The following MRC1 variants were observed in gnomAD, a reference collection of about 807,000 sequenced individuals.
MRC1 encodes the protein macrophage mannose receptor 1.
Under a neutral mutation model 102.9 loss-of-function variants are expected in MRC1, and 62 were observed. That is an observed-to-expected ratio of 0.60 (90% CI 0.49 to 0.74). MRC1 has a LOEUF of 0.74. Ranked by LOEUF, MRC1 falls within the 30% of genes least tolerant of loss-of-function variation. MRC1 has a pLI of 0.00. For missense variants in MRC1, 1,237 were observed against 862.8 expected, an observed-to-expected ratio of 1.43 and a Z score of -5.43; for synonymous variants, 457 against 298.4, an observed-to-expected ratio of 1.53 and a Z score of -5.48.
chr10:17,835,618 CA>C (rs1838651045), intron 4 of MRC1, among the ~76,000 whole-genome samples: 1 of 152,204 alleles, frequency 6.6e-6, no homozygotes, highest in African/African-American at 2.4e-5. Flanking sequence ...AGGAGGTTCA[CA>C]CAGAGCCTTC....
At chr10:17,859,093 T>A (rs1450287592) in intron 9 of MRC1, among the ~76,000 whole-genome samples, 1 of 152,240 alleles carries the variant, frequency 6.6e-6, no homozygotes, top group African/African-American at 2.4e-5. Context: ...AATCTGACCA[T>A]TGAGTTTTTA....
In MRC1 at chr10:17,900,870, C is replaced by G. The variant is rs1377034545; in HGVS notation, c.3566C>G (p.Ala1189Gly). 1 of 780,646 alleles carries G rather than the reference C, an allele frequency of 1.3e-6. No individual in the cohort carries two copies. The highest frequency in any genetic ancestry group is 2.4e-6 in the Non-Finnish European group (1 of 417,948). 48.4% of individuals were successfully genotyped at this position (780,646 alleles called of 1,614,324 possible). A position where few individuals can be genotyped will look rare whatever the true frequency, so the allele number is the denominator to read the frequency against. ...WAADEPKLKS[A>G]CVYLDLDGYW... is the part of the protein sequence containing the mutation. ...GCTGATGAGCCCAAATTGAAATCAG[C>G]ATGTGTTTATCTGGATCTTGATGGC... is the stretch of plus-strand genomic sequence containing the variant. Residue 1189 changes from alanine to glycine, a missense_variant, in exon 25 of 30, where the codon GCA becomes GGA. By Grantham distance (60) the Ala-to-Gly change is moderately conservative (BLOSUM62 0). Transcript: ENST00000569591.
intron 21 of MRC1, among the ~76,000 whole-genome samples, chr10:17,881,670 A>T (rs1448767584): frequency 1.3e-4 from 13 of 102,772 alleles, no homozygotes; most frequent in Non-Finnish European, 1.8e-4. Flanking sequence ...ACAAATTTTG[A>T]TTTTTTTTTT....
intron 26 of MRC1, among the ~76,000 whole-genome samples, chr10:17,906,231 T>C (rs1833893022): frequency 6.6e-6 from 1 of 152,024 alleles, no homozygotes; most frequent in Non-Finnish European, 1.5e-5. Context: ...AAAAACTTGG[T>C]GTTCTTTATC....
chr10:17,844,307 C>T (rs925214256), intron 5 of MRC1, among the ~76,000 whole-genome samples: 2 of 152,124 alleles, frequency 1.3e-5, no homozygotes, highest in African/African-American at 4.8e-5. Flanking sequence ...CAACCTCTGC[C>T]TCCCAGGTTC....
intron 4 of MRC1, 82 bp from the exon 5 acceptor site, chr10:17,840,611 G>T (rs1365349715): frequency 2.1e-5 from 16 of 767,388 alleles, no homozygotes; most frequent in Non-Finnish European, 2.7e-5. Flanking sequence ...TTTGATTCAA[G>T]CACTTAGTTC....
chr10:17,827,334 C>A (rs1838491616), intron 2 of MRC1, among the ~76,000 whole-genome samples: 1 of 108,700 alleles, frequency 9.2e-6, no homozygotes, highest in Non-Finnish European at 1.7e-5. Context: ...ATGTACCCAG[C>A]AAAAGACTAG....
intron 22 of MRC1, among the ~76,000 whole-genome samples, chr10:17,886,588 G>T (rs1280786223): frequency 2.0e-5 from 3 of 152,140 alleles, no homozygotes; most frequent in South Asian, 4.1e-4. Context: ...TTTTAGTAGA[G>T]ATGGGCTTTT....
rs1833779825 is a variant in MRC1, at chr10:17,898,090, G to A, written c.3307G>A (p.Gly1103Ser). 1 of 780,806 alleles carries A rather than the reference G, an allele frequency of 1.3e-6. No individual in the cohort carries two copies. Among genetic ancestry groups the A allele is most frequent in the African/African-American group, 1.7e-5 (1 of 59,230 alleles). 48.4% of individuals were successfully genotyped at this position (780,806 alleles called of 1,614,324 possible). A position where few individuals can be genotyped will look rare whatever the true frequency, so the allele number is the denominator to read the frequency against. Residue 1103 changes from glycine (G) to serine (S), a missense_variant, in exon 24 of 30, where the codon GGC (glycine) becomes AGC (serine). By Grantham distance (56) the Gly-to-Ser change is moderately conservative. Coordinates refer to ENST00000569591, the MANE Select transcript of MRC1 (RefSeq NM_002438.4). ...TIQTDGFVKY[G>S]KSSYSLMRQK... is the part of the protein sequence containing the mutation. ...TCAAACAGATGGCTTTGTTAAATAT[G>A]GCAAAAGCAGCTATTCACTCATGAG...
At chr10:17,827,372 CAAAAAAAAAAAAAAAA>C (rs782616938) in intron 2 of MRC1, among the ~76,000 whole-genome samples, 154 bp from the exon 3 acceptor site, 79 of 64,026 alleles carry the variant, frequency 1.2e-3, no homozygotes, top group Non-Finnish European at 1.7e-3. Flanking sequence ...AAAAAATACC[CAAAAAAAAAAAAAAAA>C]AAAAAAAAAA....
At chr10:17,909,220 T>G (rs1833936418) in intron 28 of MRC1, 86 bp from the exon 29 acceptor site, 2 of 748,996 alleles carry the variant, frequency 2.7e-6, no homozygotes, top group South Asian at 2.8e-5. Flanking sequence ...ATGTGGAGGA[T>G]TCCATGTATT....
intron 16 of MRC1, among the ~76,000 whole-genome samples, chr10:17,874,291 T>C (rs1349714987): frequency 3.3e-5 from 5 of 152,160 alleles, no homozygotes; most frequent in Admixed American, 3.3e-4. Flanking sequence ...AGAGCTACAT[T>C]CTATGAACTC....
chr10:17,886,286 TC>T (rs1833591969), intron 22 of MRC1, among the ~76,000 whole-genome samples: 1 of 74,130 alleles, frequency 1.3e-5, no homozygotes. Flanking sequence ...GGTGTTTTCT[TC>T]CTTCCTTCCT....
Position 17,903,398 on chromosome 10 carries a change from T to TC in MRC1, c.3799+1276_3799+1277insC, listed in dbSNP as rs1162653230. ...TTTTCTTTTCTTTTTTTTTCTTTTT[T>TC]TTTTTTTTTTTTTTTGAGACAGAGT... On this transcript the variant is annotated intron_variant, in intron 26 of 29. Transcript: ENST00000569591. 3.0e-4 allele frequency among the ~76,000 whole-genome samples: 41 copies of TC among 136,180 alleles called. 1 individual carries two copies. Among genetic ancestry groups the TC allele is most frequent in the Middle Eastern group, 3.7e-3 (1 of 268 alleles). 89.3% of individuals were successfully genotyped at this position (136,180 alleles called of 152,430 possible). A position where few individuals can be genotyped will look rare whatever the true frequency, so the allele number is the denominator to read the frequency against.
At chr10:17,868,973 A>G (rs1833317411) in intron 12 of MRC1, among the ~76,000 whole-genome samples, 1 of 152,204 alleles carries the variant, frequency 6.6e-6, no homozygotes, top group African/African-American at 2.4e-5. Flanking sequence ...GGCCAGATTC[A>G]TCTTATTCCT....
intron 4 of MRC1, among the ~76,000 whole-genome samples, chr10:17,838,473 T>A (rs36089972): frequency 6.6e-6 from 1 of 151,660 alleles, no homozygotes; most frequent in African/African-American, 2.4e-5. Flanking sequence ...AAATAAGATA[T>A]AGGAAGTGAA....
At chr10:17,863,877 G>C (rs1307817861) in intron 11 of MRC1, among the ~76,000 whole-genome samples, 195 bp downstream of exon 11, 1 of 150,386 alleles carries the variant, frequency 6.6e-6, no homozygotes, top group African/African-American at 2.4e-5. Flanking sequence ...AATAGGTTTA[G>C]TGTTCTAAAG....
At position 17,881,161 on chromosome 10, in the gene MRC1, T is replaced by C; in HGVS notation, c.2960T>C (p.Ile987Thr). The C allele has an allele frequency of 1.3e-6, 1 of 780,592 alleles. No individual in the cohort carries two copies. Among genetic ancestry groups the C allele is most frequent in the Non-Finnish European group, 2.4e-6 (1 of 417,908 alleles). The allele number at this position is 780,592 out of a possible 1,614,324, so 48.4% of individuals were successfully genotyped here. A position where few individuals can be genotyped will look rare whatever the true frequency, so the allele number is the denominator to read the frequency against. ...GGCTTTGGAGGGAATCTGGTCTCCA[T>C]ACAAAATGAAAAAGAGCAAGGTAGG... ...CIGFGGNLVS[I>T]QNEKEQAFLT... Residue 987 changes from isoleucine to threonine, a missense_variant, in exon 21 of 30, where the codon ATA (isoleucine) becomes ACA (threonine). Transcript: ENST00000569591.
chr10:17,849,128 T>C (rs1278944464), intron 6 of MRC1, among the ~76,000 whole-genome samples: 4 of 152,046 alleles, frequency 2.6e-5, no homozygotes, highest in South Asian at 2.1e-4. Flanking sequence ...GTTGTAGATA[T>C]AACTTTTTAA....
Sources: allele counts gnomAD v4.1 joint callset (sites outside exome capture counted in the v4.1 genomes callset), GRCh38; gene constraint gnomAD v4.1.1; transcripts MANE v1.5; gene names NCBI Gene and HGNC (gene_info 2026-07-23, HGNC 2026-07-21).